SHISA9: variants seen among roughly 807,000 people sequenced by gnomAD.
The protein encoded by SHISA9 is shisa family member 9.
SHISA9 carries 13 observed loss-of-function variants against 38.0 expected under a neutral mutation model. That is an observed-to-expected ratio of 0.34 (90% CI 0.22 to 0.54). The LOEUF (loss-of-function observed/expected upper bound fraction) is 0.54. SHISA9 is among the 20% of genes least tolerant of loss of function. The probability of loss-of-function intolerance (pLI) is 0.91; values close to 1 mark genes in which losing one functional copy is unlikely to be tolerated. For missense variants in SHISA9, 538 were observed against 575.8 expected, an observed-to-expected ratio of 0.93 and a Z score of 0.67; for synonymous variants, 275 against 242.0, an observed-to-expected ratio of 1.14 and a Z score of -1.27.
chr16:12,970,212 G>A (rs2072036734), intron 2 of SHISA9, among the ~76,000 whole-genome samples: 1 of 147,076 alleles, frequency 6.8e-6, no homozygotes. Flanking sequence ...GGGTACAAGT[G>A]CTGATTTGTT....
At chr16:13,344,879 T>A in the SHISA9 span, among the ~76,000 whole-genome samples, 1 of 152,166 alleles carries the variant, frequency 6.6e-6, no homozygotes, top group Non-Finnish European at 1.5e-5. Context: ...GAGGCATTAG[T>A]CCTCTTGGCT....
chr16:13,462,922 A>G, the SHISA9 span, among the ~76,000 whole-genome samples: 1 of 152,176 alleles, frequency 6.6e-6, no homozygotes, highest in African/African-American at 2.4e-5. Context: ...AGATCGCACC[A>G]TTGCACTCCA....
At chr16:12,939,006 T>A (rs275398) in intron 2 of SHISA9, among the ~76,000 whole-genome samples, 102,564 of 151,854 alleles carry the variant, frequency 0.68, 34,888 homozygotes, top group East Asian at 0.75. Flanking sequence ...ATTCAGATGA[T>A]GTTTTGGGGG....
chr16:13,434,419 G>GTTTTTTTTTT, the SHISA9 span, among the ~76,000 whole-genome samples: 11 of 64,550 alleles, frequency 1.7e-4, no homozygotes, highest in East Asian at 9.9e-4. Flanking sequence ...GACAAGCTAT[G>GTTTTTTTTTT]TTTTTTTTTT....
intron 2 of SHISA9, among the ~76,000 whole-genome samples, chr16:13,004,539 C>A (rs906372555): frequency 6.6e-6 from 1 of 152,098 alleles, no homozygotes; most frequent in African/African-American, 2.4e-5. Context: ...AAAGAGATCT[C>A]TTGATGCTTG....
At chr16:13,279,099 A>G in the SHISA9 span, among the ~76,000 whole-genome samples, 1 of 151,386 alleles carries the variant, frequency 6.6e-6, no homozygotes, top group East Asian at 1.9e-4. Flanking sequence ...GAGGGTTTGC[A>G]TTCAGTTCAA....
rs569085408 is a variant in SHISA9, at chr16:13,105,383, C to T, written c.692-98011C>T. 1.2e-4 allele frequency among the ~76,000 whole-genome samples: 19 copies of T among 152,298 alleles called. No homozygotes were observed. In the South Asian group the frequency reaches 3.3e-3, roughly 27 times the overall value. On this transcript the variant is annotated intron_variant, in intron 2 of 4. Transcript: ENST00000558583. ...TCCCAAGTGGGTCCTGTCTGGACCA[C>T]ATTTCAGGCCATCACCCTCCCTCCC...
At position 13,062,188 on chromosome 16, in the gene SHISA9, T is replaced by TAA. The variant is rs34685957; in HGVS notation, c.692-141194_692-141193dup. 1.5e-3 allele frequency among the ~76,000 whole-genome samples: 222 copies of TAA among 146,514 alleles called. 1 individual carries two copies. The highest frequency in any genetic ancestry group is 0.011 in the Middle Eastern group (3 of 274). On this transcript the variant is annotated intron_variant, in intron 2 of 4. Transcript: ENST00000558583. ...CTCAAGTATGGCAGGGGACTTACGC[T>TAA]AAAAAAAAAAAAATCCATTGTTTAT...
chr16:13,326,100 T>C, the SHISA9 span, among the ~76,000 whole-genome samples: 1 of 149,658 alleles, frequency 6.7e-6, no homozygotes, highest in Non-Finnish European at 1.5e-5. Flanking sequence ...AAAAAGATGC[T>C]GTCCAAATGC....
At chr16:13,559,116 TA>T in the SHISA9 span, among the ~76,000 whole-genome samples, 1 of 152,144 alleles carries the variant, frequency 6.6e-6, no homozygotes, top group East Asian at 1.9e-4. Context: ...TCCTAGAATA[TA>T]TACACTCTTA....
chr16:13,134,219 T>G (rs1413379761), intron 2 of SHISA9, among the ~76,000 whole-genome samples: 1 of 152,218 alleles, frequency 6.6e-6, no homozygotes, highest in East Asian at 1.9e-4. Flanking sequence ...CTCAGTTTTC[T>G]CACTTGTGAA....
chr16:13,064,054 G>A (rs550998441), intron 2 of SHISA9, among the ~76,000 whole-genome samples: 4 of 152,228 alleles, frequency 2.6e-5, no homozygotes, highest in South Asian at 2.1e-4. Context: ...ACATTATTGC[G>A]TCCACGTTTA....
chr16:13,554,049 C>G, the SHISA9 span, among the ~76,000 whole-genome samples: 2 of 152,076 alleles, frequency 1.3e-5, no homozygotes, highest in South Asian at 2.1e-4. Context: ...TATGCTTCCT[C>G]TATTTTGGGG....
At chr16:13,492,998 A>G in the SHISA9 span, among the ~76,000 whole-genome samples, 2 of 152,166 alleles carry the variant, frequency 1.3e-5, no homozygotes, top group Non-Finnish European at 2.9e-5. Context: ...AGAAAGGGCC[A>G]GCTCCTGCTG....
the SHISA9 span, among the ~76,000 whole-genome samples, chr16:13,384,190 T>G: frequency 6.6e-6 from 1 of 152,144 alleles, no homozygotes; most frequent in Admixed American, 6.5e-5. Context: ...ATAATAAGTT[T>G]CGAAAAATTC....
chr16:13,336,806 A>G, the SHISA9 span, among the ~76,000 whole-genome samples: 1 of 152,166 alleles, frequency 6.6e-6, no homozygotes, highest in Admixed American at 6.5e-5. Flanking sequence ...AGGCACAGCT[A>G]GCTTTCCTCA....
intron 2 of SHISA9, among the ~76,000 whole-genome samples, chr16:12,990,633 A>G (rs1447752354): frequency 6.6e-6 from 1 of 152,206 alleles, no homozygotes; most frequent in Non-Finnish European, 1.5e-5. Flanking sequence ...GCAATGTCTG[A>G]AGACCATTTT....
the SHISA9 span, among the ~76,000 whole-genome samples, chr16:13,426,119 G>C: frequency 6.6e-6 from 1 of 152,114 alleles, no homozygotes; most frequent in Non-Finnish European, 1.5e-5. Flanking sequence ...CAGTTCAAAG[G>C]CTTCTGCGGA....
rs117937016 is a variant in SHISA9, at chr16:12,964,339, A to G, written c.691+47524A>G. On this transcript the variant is annotated intron_variant, in intron 2 of 4. Transcript: ENST00000558583. ...ATTCCATGGAGCACCAGAGGTGTAC[A>G]AACCACAGGGGTGATGGTGTATCAA... 5.8e-3 allele frequency among the ~76,000 whole-genome samples: 877 copies of G among 152,246 alleles called. 7 individuals carry two copies. The highest frequency in any genetic ancestry group is 0.034 in the Middle Eastern group (10 of 294).
Sources: gnomAD v4.1 joint callset for allele counts (sites outside exome capture counted in the v4.1 genomes callset) on GRCh38, gnomAD v4.1.1 for gene constraint, MANE v1.5 for transcripts, NCBI Gene and HGNC (gene_info 2026-07-23, HGNC 2026-07-21) for gene names.